NXPH1: variants seen among roughly 807,000 people sequenced by gnomAD.
NXPH1 encodes neurexophilin 1.
Under a neutral mutation model 23.7 loss-of-function variants are expected in NXPH1, and 5 were observed. The observed-to-expected ratio is 0.21, with a 90% CI of 0.11 to 0.44. NXPH1 has a LOEUF of 0.44. Ranked by LOEUF, NXPH1 falls within the 20% of genes least tolerant of loss-of-function variation. The pLI is 0.99. For missense variants in NXPH1, 324 were observed against 321.6 expected (o/e 1.01, Z -0.06); for synonymous variants, 144 against 122.2 (o/e 1.18, Z -1.18).
intron 2 of NXPH1, among the ~76,000 whole-genome samples, chr7:8,607,685 C>T (rs944460684): frequency 6.6e-6 from 1 of 152,108 alleles, no homozygotes; most frequent in Admixed American, 6.6e-5. Context: ...GAATATGTTG[C>T]TAGACCCCTT....
intron 2 of NXPH1, among the ~76,000 whole-genome samples, chr7:8,712,092 C>A (rs2115198318): frequency 6.6e-6 from 1 of 152,294 alleles, no homozygotes; most frequent in African/African-American, 2.4e-5. Context: ...AGCTTGATTT[C>A]ACTGACATGT....
At chr7:8,476,792 A>G (rs899726030) in intron 2 of NXPH1, among the ~76,000 whole-genome samples, 1 of 152,190 alleles carries the variant, frequency 6.6e-6, no homozygotes, top group Non-Finnish European at 1.5e-5. Context: ...TTAAATAAAA[A>G]TACCCAGCAA....
intron 2 of NXPH1, among the ~76,000 whole-genome samples, chr7:8,664,603 T>C (rs1256142336): frequency 1.3e-5 from 2 of 152,108 alleles, no homozygotes; most frequent in South Asian, 4.1e-4. Flanking sequence ...GAGAAACCTC[T>C]AGACTGTTTT....
intron 2 of NXPH1, among the ~76,000 whole-genome samples, chr7:8,546,016 A>G (rs1001576628): frequency 3.3e-5 from 5 of 151,558 alleles, no homozygotes; most frequent in Non-Finnish European, 5.9e-5. Flanking sequence ...AGATTGTAGC[A>G]AAAGGTCAGA....
chr7:8,681,619 C>A (rs190999314), intron 2 of NXPH1, among the ~76,000 whole-genome samples: 1 of 152,294 alleles, frequency 6.6e-6, no homozygotes, highest in African/African-American at 2.4e-5. Context: ...TACAATACTT[C>A]AGGCATTTCT....
chr7:8,700,877 G>A (rs1026562885), intron 2 of NXPH1, among the ~76,000 whole-genome samples: 6 of 151,868 alleles, frequency 4.0e-5, no homozygotes, highest in African/African-American at 7.3e-5. Context: ...TTTTTGCATG[G>A]CCTTGTAAAG....
chr7:8,723,092 A>G (rs1583246520), intron 2 of NXPH1, among the ~76,000 whole-genome samples: 1 of 152,232 alleles, frequency 6.6e-6, no homozygotes, highest in Admixed American at 6.5e-5. Flanking sequence ...AAACCGTTGC[A>G]AACATACCCA....
intron 2 of NXPH1, among the ~76,000 whole-genome samples, chr7:8,646,987 GAGA>G (rs1820408237): frequency 6.6e-6 from 1 of 152,058 alleles, no homozygotes; most frequent in East Asian, 1.9e-4. Flanking sequence ...GGGGAGGAGA[GAGA>G]AGAAGGTGGA....
intron 2 of NXPH1, among the ~76,000 whole-genome samples, chr7:8,631,930 T>G (rs1562436221): frequency 6.6e-6 from 1 of 152,180 alleles, no homozygotes; most frequent in Non-Finnish European, 1.5e-5. Context: ...GAGTATTACA[T>G]TTTTGTAATA....
At chr7:8,486,616 A>G (rs958271416) in intron 2 of NXPH1, among the ~76,000 whole-genome samples, 2 of 152,194 alleles carry the variant, frequency 1.3e-5, no homozygotes, top group East Asian at 1.9e-4. Flanking sequence ...TAGATTAATT[A>G]AGCGAGATAA....
intron 2 of NXPH1, among the ~76,000 whole-genome samples, chr7:8,477,945 T>C (rs1157604): frequency 0.59 from 90,293 of 152,006 alleles, 29,432 homozygotes; most frequent in African/African-American, 0.87. Flanking sequence ...AAGGCCTGAA[T>C]CATGTCTGCC....
chr7:8,537,670 C>G (rs116761754), intron 2 of NXPH1, among the ~76,000 whole-genome samples: 16 of 152,008 alleles, frequency 1.1e-4, no homozygotes, highest in African/African-American at 3.9e-4. Context: ...AAGCACTAAA[C>G]TGGGAATTAT....
chr7:8,700,987 A>T (rs534079773), intron 2 of NXPH1, among the ~76,000 whole-genome samples: 55 of 152,200 alleles, frequency 3.6e-4, no homozygotes, highest in African/African-American at 1.2e-3. Flanking sequence ...CTTTGTCTAT[A>T]AATAATGCTT....
At chr7:8,569,216 G>A (rs1452958531) in intron 2 of NXPH1, among the ~76,000 whole-genome samples, 1 of 151,732 alleles carries the variant, frequency 6.6e-6, no homozygotes, top group Non-Finnish European at 1.5e-5. Flanking sequence ...ATCTAATTAA[G>A]CTTCTACACC....
chr7:8,616,464 T>C (rs1819740772), intron 2 of NXPH1, among the ~76,000 whole-genome samples: 1 of 152,088 alleles, frequency 6.6e-6, no homozygotes, highest in African/African-American at 2.4e-5. Flanking sequence ...TCGACTCAAC[T>C]TGTTAAAAAC....
chr7:8,678,517 A>G (rs1394058037), intron 2 of NXPH1, among the ~76,000 whole-genome samples: 1 of 152,068 alleles, frequency 6.6e-6, no homozygotes, highest in African/African-American at 2.4e-5. Context: ...TGCTCACTAC[A>G]GCCAGCATTG....
intron 2 of NXPH1, among the ~76,000 whole-genome samples, chr7:8,464,681 A>T (rs1172672900): frequency 6.6e-6 from 1 of 152,206 alleles, no homozygotes; most frequent in Non-Finnish European, 1.5e-5. Context: ...AATCTAGGAC[A>T]ATAAAGGTGG....
intron 2 of NXPH1, among the ~76,000 whole-genome samples, chr7:8,470,589 G>T (rs895532373): frequency 3.3e-5 from 5 of 152,120 alleles, no homozygotes; most frequent in East Asian, 1.9e-4. Flanking sequence ...CCTGGTGCCT[G>T]GCTAAGCCAG....
intron 2 of NXPH1, among the ~76,000 whole-genome samples, chr7:8,747,742 G>A (rs867806954): frequency 8.6e-5 from 13 of 151,740 alleles, no homozygotes; most frequent in Admixed American, 3.9e-4. Flanking sequence ...AGATTCAGAT[G>A]TTTAATCAAT....
Sources: allele counts gnomAD v4.1 joint callset (sites outside exome capture counted in the v4.1 genomes callset), GRCh38; gene constraint gnomAD v4.1.1; transcripts MANE v1.5; gene names NCBI Gene and HGNC (gene_info 2026-07-23, HGNC 2026-07-21).